The following EGFR variants were observed in gnomAD, a reference collection of about 807,000 sequenced individuals.
EGFR encodes epidermal growth factor receptor, also known as avian erythroblastic leukemia viral (v-erb-b) oncogene homolog.
EGFR carries 58 observed loss-of-function variants against 143.0 expected under a neutral mutation model. That is an observed-to-expected ratio of 0.41 (90% confidence interval 0.33 to 0.50). The LOEUF (loss-of-function observed/expected upper bound fraction) is 0.50. EGFR is among the 20% of genes least tolerant of loss of function. The probability of loss-of-function intolerance (pLI) is 0.39; values close to 1 mark genes in which losing one functional copy is unlikely to be tolerated. For synonymous variants in EGFR, 613 were observed against 594.4 expected (o/e 1.03, Z -0.45); for missense variants, 1,307 against 1,579.0 (o/e 0.83, Z 2.92).
intron 1 of EGFR, among the ~76,000 whole-genome samples, chr7:55,055,720 ACAC>A (rs1562674259): frequency 5.5e-5 from 4 of 73,084 alleles, no homozygotes; most frequent in African/African-American, 2.0e-4. Flanking sequence ...ACACACACAC[ACAC>A]CACACACACA....
intron 20 of EGFR, among the ~76,000 whole-genome samples, chr7:55,187,898 G>T (rs1409103227): frequency 2.0e-5 from 3 of 152,162 alleles, no homozygotes; most frequent in African/African-American, 7.2e-5. Context: ...GATCCTGGAA[G>T]ATGAGGCCTG....
intron 1 of EGFR, among the ~76,000 whole-genome samples, chr7:55,104,418 G>T (rs1475223790): frequency 6.6e-6 from 1 of 152,182 alleles, no homozygotes; most frequent in Non-Finnish European, 1.5e-5. Flanking sequence ...TCTGAGACAG[G>T]CCGGGTTTCA....
chr7:55,191,034 G>A (rs760419787), intron 20 of EGFR, among the ~76,000 whole-genome samples: 6 of 152,146 alleles, frequency 3.9e-5, no homozygotes, highest in African/African-American at 1.4e-4. Context: ...AGCATTTCTA[G>A]GAATTCACTC....
intron 1 of EGFR, among the ~76,000 whole-genome samples, chr7:55,070,108 A>T (rs957546063): frequency 6.6e-6 from 1 of 152,248 alleles, no homozygotes; most frequent in African/African-American, 2.4e-5. Context: ...TTAATTTAAA[A>T]AGGAGAACAA....
chr7:55,165,457 GA>G lies in EGFR; in HGVS notation c.1880+22del, dbSNP rs1430762634. 6.3e-7 allele frequency: 1 copy of G among 1,591,894 alleles called. No homozygotes were observed. The highest frequency in any genetic ancestry group is 1.3e-5 in the African/African-American group (1 of 74,290). On this transcript the variant is annotated intron_variant, in intron 15 of 27. Transcript: ENST00000275493. ...CTACGGGTGAGTGGAAAGTGAAGGA[GA>G]ACAGAACATTTCCTCTCTTGCAAAT...
intron 1 of EGFR, among the ~76,000 whole-genome samples, chr7:55,031,631 G>A (rs1391082567): frequency 6.6e-6 from 1 of 152,122 alleles, no homozygotes; most frequent in African/African-American, 2.4e-5. Flanking sequence ...GGAATTCTAG[G>A]CTTTTAGATT....
intron 1 of EGFR, among the ~76,000 whole-genome samples, chr7:55,046,816 A>G (rs374432170): frequency 1.3e-4 from 20 of 152,292 alleles, no homozygotes; most frequent in African/African-American, 4.1e-4. Flanking sequence ...CACAATGGCA[A>G]TTAGATTTCC....
intron 1 of EGFR, among the ~76,000 whole-genome samples, chr7:55,020,301 G>A (rs139757041): frequency 0.016 from 2,508 of 152,308 alleles, 32 homozygotes; most frequent in Non-Finnish European, 0.023. Flanking sequence ...GGAGACGTCC[G>A]GGTCTGCTCC....
chr7:55,049,220 C>T (rs990221546), intron 1 of EGFR, among the ~76,000 whole-genome samples: 7 of 152,114 alleles, frequency 4.6e-5, no homozygotes, highest in South Asian at 2.1e-4. Flanking sequence ...ATAGGAATAA[C>T]GACCACTGGT....
At chr7:55,184,773 C>T (rs1016770992) in intron 20 of EGFR, among the ~76,000 whole-genome samples, 3 of 152,186 alleles carry the variant, frequency 2.0e-5, no homozygotes, top group Non-Finnish European at 4.4e-5. Context: ...CCTCATTCCT[C>T]TGTATTTGAA....
intron 1 of EGFR, among the ~76,000 whole-genome samples, chr7:55,043,605 G>A (rs750169089): frequency 9.4e-5 from 10 of 106,128 alleles, no homozygotes; most frequent in African/African-American, 2.9e-4. Context: ...CAAGAGAACC[G>A]CCCCCTTCTT....
At chr7:55,129,415 A>G (rs1042519760) in intron 1 of EGFR, among the ~76,000 whole-genome samples, 12 of 152,264 alleles carry the variant, frequency 7.9e-5, no homozygotes, top group African/African-American at 2.9e-4. Flanking sequence ...AAAATTATCA[A>G]GGGACTGGTT....
chr7:55,139,282 C>G (rs1486418434), intron 1 of EGFR, among the ~76,000 whole-genome samples: 1 of 152,272 alleles, frequency 6.6e-6, no homozygotes, highest in Non-Finnish European at 1.5e-5. Flanking sequence ...AATTAAAAAC[C>G]TCTTGCTCTT....
chr7:55,173,798 C>T (rs113356449), intron 17 of EGFR, 123 bp from the exon 18 acceptor site: 13 of 1,490,182 alleles, frequency 8.7e-6, no homozygotes, highest in South Asian at 3.4e-5. Context: ...TGGCAAGTGC[C>T]GTGTCCTGGC....
chr7:55,203,457 GCACACATACACACACAC>G (rs1787955729), intron 27 of EGFR, among the ~76,000 whole-genome samples: 1 of 117,582 alleles, frequency 8.5e-6, no homozygotes, highest in Admixed American at 9.3e-5. Context: ...AGACATGTAT[GCACACATACACACACAC>G]CACACATACA....
rs17336584 is a variant in EGFR, at chr7:55,152,959, T to C, written c.747+295T>C. Among the ~76,000 whole-genome samples, 1,538 of 152,362 alleles carry C rather than the reference T, an allele frequency of 0.01. 24 individuals are homozygous for C. Among genetic ancestry groups the C allele is most frequent in the African/African-American group, 0.035 (1,463 of 41,586 alleles). On this transcript the variant is annotated intron_variant, in intron 6 of 27. Coordinates refer to ENST00000275493, the MANE Select transcript of EGFR (RefSeq NM_005228.5). ...GATGAGATGCCTGTGATGTCCGTCA[T>C]TAGGACCTGGGCACAGAACAAGCAC... is the stretch of plus-strand genomic sequence containing the variant.
chr7:55,025,508 A>G (rs1786830060), intron 1 of EGFR, among the ~76,000 whole-genome samples: 1 of 152,218 alleles, frequency 6.6e-6, no homozygotes, highest in South Asian at 2.1e-4. Context: ...GAGGAAGGGC[A>G]GGAGGGTCCA....
At chr7:55,064,205 G>A (rs1284221722) in intron 1 of EGFR, among the ~76,000 whole-genome samples, 3 of 152,136 alleles carry the variant, frequency 2.0e-5, no homozygotes, top group Non-Finnish European at 4.4e-5. Flanking sequence ...TTAAAAATAG[G>A]TTGTATGTAG....
chr7:55,107,182 T>C (rs1184191665), intron 1 of EGFR, among the ~76,000 whole-genome samples: 1 of 152,246 alleles, frequency 6.6e-6, no homozygotes, highest in African/African-American at 2.4e-5. Flanking sequence ...GACTAGTTAA[T>C]GTGGTAACAA....
Sources: gnomAD v4.1 joint callset for allele counts (sites outside exome capture counted in the v4.1 genomes callset) on GRCh38, gnomAD v4.1.1 for gene constraint, MANE v1.5 for transcripts, NCBI Gene and HGNC (gene_info 2026-07-23, HGNC 2026-07-21) for gene names.